CNTRL: variants seen among roughly 807,000 people sequenced by gnomAD.
CNTRL encodes 110 kDa centrosomal protein.
A neutral mutation model predicts 303.7 loss-of-function variants in CNTRL; 233 were observed. The ratio of observed to expected loss-of-function variants is 0.77; its 90% CI spans 0.69 to 0.86. The LOEUF is 0.86. Among genes scored for constraint, CNTRL ranks in the 40% least tolerant of loss-of-function variants. The pLI is 0.00. For synonymous variants in CNTRL, 900 were observed against 922.2 expected (o/e 0.98, Z 0.44); for missense variants, 2,524 against 2,650.6 (o/e 0.95, Z 1.05).
At chr9:121,152,001 A>G (rs1279195063) in intron 25 of CNTRL, 1 of 156,026 alleles carries the variant, frequency 6.4e-6, no homozygotes, top group African/African-American at 2.4e-5. Context: ...GGGTTCTTTT[A>G]CTCTCCAAAC....
In CNTRL at chr9:121,125,885, G is replaced by A. The variant is rs1430682020; in HGVS notation, c.1974G>A (p.Gln658=). The change falls in exon 14 of 44, where the codon CAG becomes CAA. Residue 658 remains glutamine (Q), a synonymous_variant. Coordinates refer to ENST00000373855, the MANE Select transcript of CNTRL (RefSeq NM_007018.6). ...TGCAGAGATTGACAGAAGTCGAGCAGGAGAGAGACCAGCTGGAAATAGTTG... is the reference window on the plus strand; with the variant it reads ...TGCAGAGATTGACAGAAGTCGAGCAAGAGAGAGACCAGCTGGAAATAGTTG... ...TLLQRLTEVE[Q]ERDQLEIVAM... 3 of 1,614,066 alleles carry A rather than the reference G, an allele frequency of 1.9e-6. No individual in the cohort carries two copies. Among genetic ancestry groups the A allele is most frequent in the Non-Finnish European group, 2.5e-6 (3 of 1,180,038 alleles).
rs1031771063 is a variant in CNTRL, at chr9:121,108,095, A to G, written c.1002+100A>G. 1.8e-5 allele frequency: 13 copies of G among 722,178 alleles called. No individual in the cohort carries two copies. In the African/African-American group the frequency reaches 2.4e-4, roughly 13 times the overall value. 44.7% of individuals were successfully genotyped at this position (722,178 alleles called of 1,614,324 possible). On this transcript the variant is annotated intron_variant, in intron 8 of 43. Transcript: ENST00000373855. ...ACAACTTCCTGACCATATAATGGGGAAGATGTGGTTTAACAGAAATATGTG... is the reference window on the plus strand; with the variant it reads ...ACAACTTCCTGACCATATAATGGGGGAGATGTGGTTTAACAGAAATATGTG...
chr9:121,164,178 T>C lies in CNTRL; in HGVS notation c.5424-765T>C, dbSNP rs72760248. Among the ~76,000 whole-genome samples the C allele has an allele frequency of 8.2e-3, 1,244 of 152,294 alleles. 10 individuals carry two copies. The highest frequency in any genetic ancestry group is 0.031 in the East Asian group (159 of 5,184). ...CGCATCTGGCCGGAACTTTCATATA[T>C]GATTGAGGGGCATGTAAAATGGTAT... is the stretch of plus-strand genomic sequence containing the variant. On this transcript the variant is annotated intron_variant, in intron 34 of 43. Transcript: ENST00000373855.
chr9:121,117,376 ACT>A (rs1224832650), intron 11 of CNTRL, among the ~76,000 whole-genome samples: 2 of 150,508 alleles, frequency 1.3e-5, no homozygotes, highest in Non-Finnish European at 3.0e-5. Flanking sequence ...TTCTATACAG[ACT>A]CTTGAGAAAT....
chr9:121,107,910 T>G lies in CNTRL; in HGVS notation c.917T>G (p.Leu306Trp). The G allele has an allele frequency of 6.2e-7, 1 of 1,610,904 alleles. No individual in the cohort carries two copies. ...FLEEIKNQDK[L>W]NKSLKEEAML... The stretch of plus-strand genomic sequence containing the variant: ...GAGGAAATTAAAAATCAAGATAAAT[T>G]GAATAAATCATTAAAAGAGGAGGCC... Residue 306 changes from leucine (L) to tryptophan (W), a missense_variant, in exon 8 of 44, where the codon TTG becomes TGG. Physicochemically the swap from Leu to Trp is moderately conservative, Grantham distance 61. Coordinates refer to ENST00000373855, the MANE Select transcript of CNTRL (RefSeq NM_007018.6).
At chr9:121,143,828 C>A (rs1588243644) in intron 19 of CNTRL, 75 bp from the exon 20 acceptor site, 1 of 1,195,682 alleles carries the variant, frequency 8.4e-7, no homozygotes, top group Non-Finnish European at 1.2e-6. Flanking sequence ...AGAGTCCCTA[C>A]CCTCCTGGAG....
rs373640670 is a variant in CNTRL, at chr9:121,125,695, C to T, written c.1805-21C>T. On this transcript the variant is annotated intron_variant, in intron 13 of 43. Coordinates refer to ENST00000373855, the MANE Select transcript of CNTRL (RefSeq NM_007018.6). ...AGTACTTTAAAAAGATATATTATTA[C>T]CCTTTTTGCATCTTGCTTAGGCCAG... The T allele has an allele frequency of 3.5e-4, 553 of 1,595,524 alleles. 1 individual carries two copies. Among genetic ancestry groups the T allele is most frequent in the South Asian group, 5.3e-4 (48 of 90,406 alleles).
intron 14 of CNTRL, among the ~76,000 whole-genome samples, chr9:121,133,527 T>C (rs1482380955): frequency 6.6e-6 from 1 of 152,236 alleles, no homozygotes; most frequent in African/African-American, 2.4e-5. Context: ...GAGAGTGTCC[T>C]GTTTTTCCAG....
intron 34 of CNTRL, among the ~76,000 whole-genome samples, chr9:121,163,865 CTTTT>C (rs35289557): frequency 7.2e-6 from 1 of 138,172 alleles, no homozygotes; most frequent in South Asian, 2.3e-4. Flanking sequence ...TAACCAGGAA[CTTTT>C]TTTTTTTTTT....
intron 42 of CNTRL, among the ~76,000 whole-genome samples, chr9:121,174,276 T>TG (rs1354188339): frequency 3.3e-5 from 5 of 152,198 alleles, no homozygotes; most frequent in African/African-American, 1.2e-4. Context: ...TACATTTATG[T>TG]GGGGGGAATG....
intron 2 of CNTRL, among the ~76,000 whole-genome samples, chr9:121,084,227 A>G (rs183696491): frequency 1.3e-5 from 2 of 152,302 alleles, no homozygotes. Context: ...AAAAGTTTGT[A>G]AAGTTTATAA....
At chr9:121,087,100 T>C (rs2048372069) in intron 2 of CNTRL, among the ~76,000 whole-genome samples, 1 of 152,036 alleles carries the variant, frequency 6.6e-6, no homozygotes, top group Admixed American at 6.5e-5. Context: ...AGAGTGAAAA[T>C]GGAAAGAAGC....
chr9:121,095,818 T>A (rs2048868586), intron 5 of CNTRL, among the ~76,000 whole-genome samples: 1 of 151,228 alleles, frequency 6.6e-6, no homozygotes, highest in South Asian at 2.1e-4. Flanking sequence ...TTTGAAGTAT[T>A]TGTGCAGTAT....
chr9:121,143,787 G>A lies in CNTRL; in HGVS notation c.2872-116G>A, dbSNP rs1285679117. 8.9e-6 allele frequency: 6 copies of A among 675,838 alleles called. 1 individual carries two copies. In the South Asian group the frequency reaches 9.4e-5, roughly 11 times the overall value. 41.9% of individuals were successfully genotyped at this position (675,838 alleles called of 1,614,324 possible). On this transcript the variant is annotated intron_variant, in intron 19 of 43. Coordinates refer to ENST00000373855, the MANE Select transcript of CNTRL (RefSeq NM_007018.6). ...TGGATATATGTGGAGTACCTCCTGT[G>A]TATCAAGTATTGTTCTAGGCAGCAG...
chr9:121,117,212 T>A (rs2050015784), intron 11 of CNTRL, among the ~76,000 whole-genome samples: 1 of 152,196 alleles, frequency 6.6e-6, no homozygotes, highest in African/African-American at 2.4e-5. Flanking sequence ...GAGTTTGCTG[T>A]ATTTTGAAAT....
chr9:121,170,434 G>A (rs1441896308), intron 39 of CNTRL, among the ~76,000 whole-genome samples: 17 of 151,944 alleles, frequency 1.1e-4, no homozygotes, highest in Admixed American at 1.0e-3. Context: ...ATGAGCTACC[G>A]TGCCTGGCTC....
chr9:121,143,885 A>T lies in CNTRL; in HGVS notation c.2872-18A>T. The T allele has an allele frequency of 6.4e-7, 1 of 1,569,184 alleles. No homozygotes were observed. The highest frequency in any genetic ancestry group is 1.2e-5 in the South Asian group (1 of 86,036). On this transcript the variant is annotated intron_variant, in intron 19 of 43. Transcript: ENST00000373855. ...GCCAAATGATTCATCTGTTTAATTA[A>T]TATTTCTTTTATTTTAGAAGAAACT...
chr9:121,167,981 G>T, intron 37 of CNTRL, 115 bp from the exon 38 acceptor site: 1 of 886,636 alleles, frequency 1.1e-6, no homozygotes, highest in Non-Finnish European at 1.7e-6. Context: ...TAATGGAATT[G>T]TCCCTGTGGG....
chr9:121,100,759 C>A (rs867235366), intron 7 of CNTRL, among the ~76,000 whole-genome samples: 28 of 152,254 alleles, frequency 1.8e-4, no homozygotes, highest in Admixed American at 5.2e-4. Context: ...GGGTTGCATT[C>A]CTAGTCTCTG....
Sources: allele counts gnomAD v4.1 joint callset (sites outside exome capture counted in the v4.1 genomes callset), GRCh38; gene constraint gnomAD v4.1.1; transcripts MANE v1.5; gene names NCBI Gene and HGNC (gene_info 2026-07-23, HGNC 2026-07-21).